MIGA1: variants seen among roughly 807,000 people sequenced by gnomAD.
MIGA1 encodes family with sequence similarity 73, member A.
A neutral mutation model predicts 82.0 loss-of-function variants in MIGA1; 58 were observed. The ratio of observed to expected loss-of-function variants is 0.71; its 90% CI spans 0.57 to 0.88. The LOEUF (loss-of-function observed/expected upper bound fraction) is 0.88. Among genes scored for constraint, MIGA1 ranks in the 40% least tolerant of loss-of-function variants. The pLI is 0.00. For missense variants in MIGA1, 751 were observed against 749.1 expected (o/e 1.00, Z -0.03); for synonymous variants, 249 against 253.6 (o/e 0.98, Z 0.17).
intron 1 of MIGA1, chr1:77,780,246 A>G (rs1445936566): frequency 3.5e-6 from 3 of 866,522 alleles, no homozygotes; most frequent in African/African-American, 1.8e-5. Context: ...GGTTTTGAGC[A>G]GGGAGTGGCT....
rs538624637 is a variant in MIGA1 at position 77,819,092 on chromosome 1, A to G, written c.895+3861A>G. 9.2e-5 allele frequency among the ~76,000 whole-genome samples: 14 copies of G among 151,898 alleles called. No individual in the cohort carries two copies. In the South Asian group the frequency reaches 2.3e-3, roughly 25 times the overall value. On this transcript the variant is annotated intron_variant, in intron 7 of 15. Coordinates refer to ENST00000370791, the MANE Select transcript of MIGA1 (RefSeq NM_198549.4). ...CAAAACTCTGTCCCAAAAAAAAAAA[A>G]AAAAAGAAAAAGAAAATCATCTCAA... is the stretch of plus-strand genomic sequence containing the variant.
At chr1:77,866,175 A>G (rs1305462909) in intron 13 of MIGA1, among the ~76,000 whole-genome samples, 163 bp from the exon 14 acceptor site, 1 of 152,132 alleles carries the variant, frequency 6.6e-6, no homozygotes, top group African/African-American at 2.4e-5. Flanking sequence ...TCGGCTTCCC[A>G]AAGTGCTGGG....
At chr1:77,811,974 T>C (rs1028194117) in intron 5 of MIGA1, among the ~76,000 whole-genome samples, 2 of 152,166 alleles carry the variant, frequency 1.3e-5, no homozygotes, top group Non-Finnish European at 2.9e-5. Flanking sequence ...AAAGCTATTT[T>C]TTGCTACAGA....
At chr1:77,821,575 A>G (rs1683810239) in intron 7 of MIGA1, among the ~76,000 whole-genome samples, 2 of 151,948 alleles carry the variant, frequency 1.3e-5, no homozygotes, top group African/African-American at 2.4e-5. Context: ...TTGTATTTTT[A>G]GTAGAGACAG....
chr1:77,801,306 T>G, intron 2 of MIGA1, 25 bp from the exon 3 acceptor site: 1 of 1,516,468 alleles, frequency 6.6e-7, no homozygotes, highest in Non-Finnish European at 8.8e-7. Flanking sequence ...GAGATTTTTT[T>G]CAATTTTAAC....
chr1:77,843,169 T>C (rs1479035449), intron 7 of MIGA1, 138 bp from the exon 8 acceptor site: 1 of 542,998 alleles, frequency 1.8e-6, no homozygotes, highest in South Asian at 2.9e-5. Context: ...AGTTAAACAA[T>C]GGATACTTAC....
intron 4 of MIGA1, among the ~76,000 whole-genome samples, chr1:77,806,051 T>C (rs1348961502): frequency 6.6e-6 from 1 of 152,214 alleles, no homozygotes; most frequent in African/African-American, 2.4e-5. Context: ...TTAACATAGT[T>C]GCCAGTATTT....
intron 12 of MIGA1, among the ~76,000 whole-genome samples, chr1:77,862,977 C>A (rs1413338413): frequency 6.6e-6 from 1 of 151,532 alleles, no homozygotes; most frequent in Non-Finnish European, 1.5e-5. Context: ...AGTTTACAAG[C>A]AGCTGAAAGG....
At chr1:77,794,183 T>G (rs1291024587) in intron 2 of MIGA1, among the ~76,000 whole-genome samples, 2 of 152,370 alleles carry the variant, frequency 1.3e-5, no homozygotes, top group Non-Finnish European at 2.9e-5. Flanking sequence ...ATCTTAATAT[T>G]AATGTCTGTT....
At chr1:77,860,260 C>T in intron 11 of MIGA1, 134 bp downstream of exon 11, 1 of 608,280 alleles carries the variant, frequency 1.6e-6, no homozygotes, top group Non-Finnish European at 2.9e-6. Flanking sequence ...TTAAGTTATG[C>T]TCGGGTTGAA....
chr1:77,785,345 A>ATT (rs781571362), intron 2 of MIGA1, among the ~76,000 whole-genome samples: 1 of 145,396 alleles, frequency 6.9e-6, no homozygotes, highest in African/African-American at 2.5e-5. Context: ...GCAGTCAAAA[A>ATT]TTTTTTTTTT....
At chr1:77,872,407 C>T (rs1646853563) in intron 14 of MIGA1, among the ~76,000 whole-genome samples, 1 of 151,926 alleles carries the variant, frequency 6.6e-6, no homozygotes, top group African/African-American at 2.4e-5. Context: ...TCAAGACCAG[C>T]CTGAGCAACA....
rs1487551257 is a variant in MIGA1, at chr1:77,805,017, C to T, written c.510+1611C>T. On this transcript the variant is annotated intron_variant, in intron 4 of 15. Transcript: ENST00000370791. ...TCTTTTTTTTTTTTTTTTTTTGAGA[C>T]GGAGTCTCACTCTGTCGCCCAGGCT... Among the ~76,000 whole-genome samples the T allele has an allele frequency of 4.6e-5, 5 of 107,716 alleles. 1 individual carries two copies. The highest frequency in any genetic ancestry group is 1.2e-4 in the Admixed American group (1 of 8,688). 70.7% of individuals were successfully genotyped at this position (107,716 alleles called of 152,430 possible).
In MIGA1 at chr1:77,874,842, C is replaced by T; in HGVS notation, c.1681-4C>T. The T allele has an allele frequency of 1.2e-6, 2 of 1,608,628 alleles. No homozygotes were observed. Among genetic ancestry groups the T allele is most frequent in the Non-Finnish European group, 1.7e-6 (2 of 1,176,122 alleles). On this transcript the variant is annotated splice_region_variant and splice_polypyrimidine_tract_variant and intron_variant, in intron 15 of 15. Coordinates refer to ENST00000370791, the MANE Select transcript of MIGA1 (RefSeq NM_198549.4). ...ATAAATGCCAATTTATGTTCATTTT[C>T]CAGAATCAAGTTCTTTTATTTCTCA... is the stretch of plus-strand genomic sequence containing the variant.
chr1:77,844,113 A>AAAATATAT (rs1296124524), intron 8 of MIGA1, among the ~76,000 whole-genome samples: 9 of 90,124 alleles, frequency 1.0e-4, no homozygotes, highest in South Asian at 8.7e-4. Context: ...AAAAAAAAAA[A>AAAATATAT]ATATATATAT....
intron 7 of MIGA1, among the ~76,000 whole-genome samples, chr1:77,836,049 T>C (rs1684412319): frequency 6.6e-6 from 1 of 152,180 alleles, no homozygotes. Flanking sequence ...AGTAAGTATA[T>C]GATAGGCTCT....
In MIGA1 at chr1:77,872,102, G is replaced by A. The variant is rs1009860531; in HGVS notation, c.1564-902G>A. 1.4e-4 allele frequency among the ~76,000 whole-genome samples: 22 copies of A among 152,006 alleles called. 1 individual carries two copies. The highest frequency in any genetic ancestry group is 5.1e-4 in the African/African-American group (21 of 41,400). ...CCCACCTCAGTCTCCTGAGTAGCTA[G>A]GACTATAGGTACACACCACCATGCC... On this transcript the variant is annotated intron_variant, in intron 14 of 15. Transcript: ENST00000370791.
At chr1:77,874,795 A>G in intron 15 of MIGA1, 51 bp from the exon 16 acceptor site, 1 of 1,291,260 alleles carries the variant, frequency 7.7e-7, no homozygotes, top group Middle Eastern at 2.1e-4. Context: ...AAGCTTTCTC[A>G]ATGTAACTTA....
At chr1:77,863,049 T>G (rs2101947896) in intron 12 of MIGA1, among the ~76,000 whole-genome samples, 1 of 152,288 alleles carries the variant, frequency 6.6e-6, no homozygotes, top group East Asian at 1.9e-4. Context: ...TTTCCTTTTC[T>G]AGTGTTCCCT....
Sources: gnomAD v4.1 joint callset for allele counts (sites outside exome capture counted in the v4.1 genomes callset) on GRCh38, gnomAD v4.1.1 for gene constraint, MANE v1.5 for transcripts, NCBI Gene and HGNC (gene_info 2026-07-23, HGNC 2026-07-21) for gene names.